FSTL4: variants seen among roughly 807,000 people sequenced by gnomAD.
FSTL4 encodes follistatin-related protein 4.
In FSTL4, 28 loss-of-function variants were observed where a neutral mutation model predicts 78.2. That is an observed-to-expected ratio of 0.36 (90% CI 0.27 to 0.49). FSTL4 has a LOEUF of 0.49. Among genes scored for constraint, FSTL4 ranks in the 20% least tolerant of loss-of-function variants. The pLI is 0.98. For synonymous variants in FSTL4, 422 were observed against 440.5 expected, an observed-to-expected ratio of 0.96 and a Z score of 0.53; for missense variants, 922 against 1,084.9, an observed-to-expected ratio of 0.85 and a Z score of 2.11.
At chr5:133,699,685 T>C in the FSTL4 span, among the ~76,000 whole-genome samples, 35 of 151,876 alleles carry the variant, frequency 2.3e-4, no homozygotes, top group South Asian at 2.1e-4. Context: ...ATCGAGACCA[T>C]CCTGTCTAAC....
In FSTL4 at chr5:133,554,767, C is replaced by T. The variant is rs376057761; in HGVS notation, c.160+12419G>A. ...CACACTCACAATGAATTATCTTGTTCATTAGAAATTCTGCAGAAGACCAGT... is the reference window on the plus strand; with the variant it reads ...CACACTCACAATGAATTATCTTGTTTATTAGAAATTCTGCAGAAGACCAGT... On this transcript the variant is annotated intron_variant, in intron 3 of 15. Transcript: ENST00000265342. Among the ~76,000 whole-genome samples the T allele has an allele frequency of 1.1e-4, 16 of 152,292 alleles. 1 individual carries two copies. The South Asian group carries it at 2.3e-3, about 22-fold the overall frequency.
At chr5:133,818,710 C>T in the FSTL4 span, among the ~76,000 whole-genome samples, 7 of 149,550 alleles carry the variant, frequency 4.7e-5, no homozygotes, top group Non-Finnish European at 1.0e-4. Flanking sequence ...TCAGGGGAGG[C>T]TTGACTTTAA....
chr5:133,742,005 A>G, the FSTL4 span, among the ~76,000 whole-genome samples: 1 of 152,222 alleles, frequency 6.6e-6, no homozygotes, highest in African/African-American at 2.4e-5. Flanking sequence ...AAGGACCAAC[A>G]TTGCATGAAC....
At chr5:133,607,123 T>C (rs1312933811) in intron 1 of FSTL4, among the ~76,000 whole-genome samples, 1 of 152,184 alleles carries the variant, frequency 6.6e-6, no homozygotes, top group African/African-American at 2.4e-5. Context: ...CCTGGGCAGC[T>C]TGTTTGTAAA....
chr5:133,257,480 G>A (rs1377872834), intron 6 of FSTL4, among the ~76,000 whole-genome samples: 1 of 152,224 alleles, frequency 6.6e-6, no homozygotes, highest in Admixed American at 6.5e-5. Flanking sequence ...AGGCTCTGGG[G>A]TTCCATTTAG....
At chr5:133,430,478 C>T (rs1055005695) in intron 3 of FSTL4, among the ~76,000 whole-genome samples, 1 of 152,154 alleles carries the variant, frequency 6.6e-6, no homozygotes, top group Admixed American at 6.5e-5. Flanking sequence ...CTCAGCAGGA[C>T]TTGGGAGAGG....
chr5:133,242,140 G>A (rs1751893753), intron 7 of FSTL4, among the ~76,000 whole-genome samples: 1 of 152,204 alleles, frequency 6.6e-6, no homozygotes, highest in South Asian at 2.1e-4. Flanking sequence ...GTGGGTATAA[G>A]GATGTTTACT....
chr5:133,466,065 A>G (rs1042010877), intron 3 of FSTL4, among the ~76,000 whole-genome samples: 1 of 152,218 alleles, frequency 6.6e-6, no homozygotes, highest in Non-Finnish European at 1.5e-5. Context: ...GAAACGGGAC[A>G]TGGCCTCTGC....
chr5:133,391,679 A>G (rs891448503), intron 4 of FSTL4, among the ~76,000 whole-genome samples: 1 of 151,978 alleles, frequency 6.6e-6, no homozygotes, highest in Non-Finnish European at 1.5e-5. Context: ...TGAGCCCCCA[A>G]ACACGCTAGG....
chr5:133,685,889 A>C, the FSTL4 span, among the ~76,000 whole-genome samples: 1 of 152,164 alleles, frequency 6.6e-6, no homozygotes, highest in Non-Finnish European at 1.5e-5. Context: ...CAGCTCTGAC[A>C]TACTCCCGAT....
chr5:133,593,197 T>A (rs1439616893), intron 2 of FSTL4, among the ~76,000 whole-genome samples: 1 of 152,040 alleles, frequency 6.6e-6, no homozygotes, highest in Non-Finnish European at 1.5e-5. Flanking sequence ...ACAGCCCCTT[T>A]CTTCACCCTC....
Position 133,330,873 on chromosome 5 carries a change from G to A in FSTL4, c.410-14221C>T, listed in dbSNP as rs141877127. Among the ~76,000 whole-genome samples, 681 of 152,270 alleles carry A rather than the reference G, an allele frequency of 4.5e-3. 4 individuals carry two copies. The highest frequency in any genetic ancestry group is 0.016 in the African/African-American group (656 of 41,550). ...GGTACTGTGATTTTTAAAGAACAGC[G>A]GGAACAGTGTGGGAGTATGCCTGTG... is the stretch of plus-strand genomic sequence containing the variant. On this transcript the variant is annotated intron_variant, in intron 4 of 15. Transcript: ENST00000265342.
intron 3 of FSTL4, among the ~76,000 whole-genome samples, chr5:133,442,951 T>C (rs1330316083): frequency 2.0e-5 from 3 of 152,238 alleles, no homozygotes; most frequent in Non-Finnish European, 4.4e-5. Flanking sequence ...TTAATAAATG[T>C]GAGCAAAGCA....
intron 6 of FSTL4, among the ~76,000 whole-genome samples, chr5:133,303,508 G>T (rs535930296): frequency 6.6e-6 from 1 of 152,332 alleles, no homozygotes; most frequent in African/African-American, 2.4e-5. Flanking sequence ...TGGTGCCAAG[G>T]CTTCTGAGTG....
chr5:133,293,113 G>C (rs751528585), intron 6 of FSTL4, among the ~76,000 whole-genome samples: 1 of 152,224 alleles, frequency 6.6e-6, no homozygotes, highest in Non-Finnish European at 1.5e-5. Flanking sequence ...CACAGGGCCT[G>C]ACCCTGCCTT....
chr5:133,841,045 G>A, the FSTL4 span, among the ~76,000 whole-genome samples: 1 of 152,232 alleles, frequency 6.6e-6, no homozygotes, highest in Non-Finnish European at 1.5e-5. Context: ...CACTGGCTAA[G>A]GACATCTGCA....
intron 6 of FSTL4, among the ~76,000 whole-genome samples, chr5:133,303,136 C>T (rs564670956): frequency 2.0e-5 from 3 of 152,344 alleles, no homozygotes; most frequent in South Asian, 4.1e-4. Context: ...CTCATTAGTC[C>T]TGTGGCCTCT....
chr5:133,832,633 CCTCCCTACATACATTT>C, the FSTL4 span, among the ~76,000 whole-genome samples: 2 of 152,246 alleles, frequency 1.3e-5, no homozygotes, highest in African/African-American at 4.8e-5. Context: ...TTCCAGCTTT[CCTCCCTACATACATTT>C]CTCCATCTCT....
At chr5:133,626,286 T>C in the FSTL4 span, among the ~76,000 whole-genome samples, 3 of 22,882 alleles carry the variant, frequency 1.3e-4, no homozygotes, top group South Asian at 7.6e-3. Context: ...ATTCCATATA[T>C]ATATATTCCA....
Sources: allele counts gnomAD v4.1 joint callset (sites outside exome capture counted in the v4.1 genomes callset), GRCh38; gene constraint gnomAD v4.1.1; transcripts MANE v1.5; gene names NCBI Gene and HGNC (gene_info 2026-07-23, HGNC 2026-07-21).